Variants in SNTG2 observed in about 807,000 individuals in gnomAD.
SNTG2 encodes the protein gamma-2-syntrophin.
A neutral mutation model predicts 70.9 loss-of-function variants in SNTG2; 74 were observed. The observed-to-expected ratio is 1.04, with a 90% CI of 0.86 to 1.27. The LOEUF (loss-of-function observed/expected upper bound fraction) is 1.27. Ranked by LOEUF, SNTG2 falls within the 50% of genes most tolerant of loss-of-function variation. The pLI is 0.00. For missense variants in SNTG2, 717 were observed against 690.7 expected (o/e 1.04, Z -0.43); for synonymous variants, 278 against 273.8 (o/e 1.02, Z -0.15).
intron 9 of SNTG2, among the ~76,000 whole-genome samples, chr2:1,234,723 C>T (rs1019806201): frequency 2.6e-5 from 4 of 152,200 alleles, no homozygotes; most frequent in African/African-American, 4.8e-5. Context: ...GGGGGCAAAG[C>T]TGATGATCTT....
chr2:1,281,892 C>T (rs1237756799), intron 14 of SNTG2, among the ~76,000 whole-genome samples: 4 of 152,116 alleles, frequency 2.6e-5, no homozygotes, highest in Non-Finnish European at 5.9e-5. Flanking sequence ...AGCCACTGCA[C>T]CCCCGTCCGT....
At chr2:1,256,859 C>T (rs923225031) in intron 12 of SNTG2, among the ~76,000 whole-genome samples, 1 of 152,064 alleles carries the variant, frequency 6.6e-6, no homozygotes, top group South Asian at 2.1e-4. Context: ...GGAGACCTGC[C>T]ACGGCTGTCA....
chr2:1,051,403 T>C (rs1240297919), intron 1 of SNTG2, among the ~76,000 whole-genome samples: 1 of 152,196 alleles, frequency 6.6e-6, no homozygotes, highest in Non-Finnish European at 1.5e-5. Flanking sequence ...ATTAAAAGGC[T>C]TTAGGTAACA....
intron 7 of SNTG2, among the ~76,000 whole-genome samples, chr2:1,168,451 C>G (rs1184224347): frequency 6.6e-6 from 1 of 152,228 alleles, no homozygotes; most frequent in East Asian, 1.9e-4. Context: ...CTATGGCACC[C>G]CCGCCAGAGG....
chr2:1,332,552 A>G (rs1659590088), intron 16 of SNTG2, among the ~76,000 whole-genome samples: 1 of 152,236 alleles, frequency 6.6e-6, no homozygotes. Flanking sequence ...TAATTTGCTA[A>G]TTAAATTCAA....
Position 1,291,316 on chromosome 2 carries a change from T to C in SNTG2, c.1285-17178T>C, listed in dbSNP as rs185601205. Among the ~76,000 whole-genome samples the C allele has an allele frequency of 2.0e-5, 3 of 152,342 alleles. No homozygotes were observed. In the East Asian group the frequency reaches 5.8e-4, roughly 29 times the overall value. On this transcript the variant is annotated intron_variant, in intron 14 of 16. Coordinates refer to ENST00000308624, the MANE Select transcript of SNTG2 (RefSeq NM_018968.4). ...ATTCTCTGGGTTGGATTTCCACTCT[T>C]TGGTGGTGTCCTCTGATACACAAAA...
chr2:996,868 T>C (rs1661704838), intron 1 of SNTG2, among the ~76,000 whole-genome samples: 1 of 151,994 alleles, frequency 6.6e-6, no homozygotes, highest in African/African-American at 2.4e-5. Context: ...ATTGTTCATT[T>C]TATTTAATAT....
At chr2:1,324,646 A>T (rs1475504231) in intron 16 of SNTG2, among the ~76,000 whole-genome samples, 1 of 152,250 alleles carries the variant, frequency 6.6e-6, no homozygotes, top group Non-Finnish European at 1.5e-5. Context: ...CAGTTGGAAC[A>T]TAAATTTTCT....
chr2:1,281,427 T>TGGG, intron 14 of SNTG2, among the ~76,000 whole-genome samples: 1 of 133,938 alleles, frequency 7.5e-6, no homozygotes. Context: ...GTGTGTGTGG[T>TGGG]GTGGTGTGTG....
chr2:1,083,767 T>C lies in SNTG2; in HGVS notation c.210+112T>C, dbSNP rs1029825440. 2.5e-6 allele frequency: 3 copies of C among 1,199,522 alleles called. No individual in the cohort carries two copies. In the African/African-American group the frequency reaches 4.5e-5, roughly 18 times the overall value. 74.3% of individuals were successfully genotyped at this position (1,199,522 alleles called of 1,614,324 possible). A position where few individuals can be genotyped will look rare whatever the true frequency, so the allele number is the denominator to read the frequency against. ...GCTGAGCAAAAGCTGCTACTCGTTA[T>C]TTAAATATCCCCAACTACTGGCTTT... On this transcript the variant is annotated intron_variant, in intron 2 of 16. Transcript: ENST00000308624.
intron 1 of SNTG2, among the ~76,000 whole-genome samples, chr2:1,070,498 A>G (rs1460380632): frequency 6.6e-6 from 1 of 152,156 alleles, no homozygotes; most frequent in East Asian, 1.9e-4. Context: ...CATGCTACTC[A>G]TATTATTTTT....
At chr2:1,138,569 G>A (rs892107906) in intron 6 of SNTG2, among the ~76,000 whole-genome samples, 10 of 152,090 alleles carry the variant, frequency 6.6e-5, no homozygotes, top group Non-Finnish European at 1.2e-4. Flanking sequence ...AGGGCGAAGC[G>A]GGTGAGATGA....
At chr2:1,290,683 T>C (rs1679955833) in intron 14 of SNTG2, among the ~76,000 whole-genome samples, 1 of 152,240 alleles carries the variant, frequency 6.6e-6, no homozygotes, top group Non-Finnish European at 1.5e-5. Context: ...ACTAGGAGGA[T>C]GGTGCTAAAT....
At chr2:1,109,230 G>A (rs1209192789) in intron 4 of SNTG2, among the ~76,000 whole-genome samples, 1 of 152,022 alleles carries the variant, frequency 6.6e-6, no homozygotes, top group Non-Finnish European at 1.5e-5. Context: ...TGCTCTCGGT[G>A]ATCACCCAGT....
chr2:1,326,369 T>C (rs983184169), intron 16 of SNTG2, among the ~76,000 whole-genome samples: 1 of 152,302 alleles, frequency 6.6e-6, no homozygotes, highest in Admixed American at 6.5e-5. Flanking sequence ...CAATTTTAGA[T>C]TTTGAAATTT....
In SNTG2 at chr2:1,052,710, C is replaced by G. The variant is rs541579933; in HGVS notation, c.73-30808C>G. 1.1e-4 allele frequency among the ~76,000 whole-genome samples: 17 copies of G among 152,288 alleles called. No homozygotes were observed. The South Asian group carries it at 3.3e-3, about 30-fold the overall frequency. On this transcript the variant is annotated intron_variant, in intron 1 of 16. Transcript: ENST00000308624. Reference sequence around the variant, plus strand: ...CGTCCTTTATAGACAATTCTGCCATCCTTTCGTGGAAGCAGGTGAAGGGCC... The same window carrying G: ...CGTCCTTTATAGACAATTCTGCCATGCTTTCGTGGAAGCAGGTGAAGGGCC...
chr2:1,054,864 C>T, intron 1 of SNTG2, among the ~76,000 whole-genome samples: 1 of 152,060 alleles, frequency 6.6e-6, no homozygotes, highest in Non-Finnish European at 1.5e-5. Flanking sequence ...TACTATTAAG[C>T]ATTTGAAATA....
At chr2:1,020,287 G>A (rs1024861708) in intron 1 of SNTG2, among the ~76,000 whole-genome samples, 15 of 152,218 alleles carry the variant, frequency 9.9e-5, no homozygotes, top group Non-Finnish European at 2.2e-4. Flanking sequence ...CACTTCCTAA[G>A]GGCCCAGGCA....
rs1322183585 is a variant in SNTG2 at position 1,009,385 on chromosome 2, G to A, written c.72+58317G>A. ...ATGCTGGTTCTGATACTGGTGGGTCGTGTGTATGGCAGCCACACCTGTGTC... is the reference window on the plus strand; with the variant it reads ...ATGCTGGTTCTGATACTGGTGGGTCATGTGTATGGCAGCCACACCTGTGTC... On this transcript the variant is annotated intron_variant, in intron 1 of 16. Coordinates refer to ENST00000308624, the MANE Select transcript of SNTG2 (RefSeq NM_018968.4). Among the ~76,000 whole-genome samples, 2 of 42,294 alleles carry A rather than the reference G, an allele frequency of 4.7e-5. 1 individual carries two copies. Among genetic ancestry groups the A allele is most frequent in the South Asian group, 3.1e-3 (2 of 652 alleles). The allele number at this position is 42,294 out of a possible 152,430, so 27.7% of individuals were successfully genotyped here. A position where few individuals can be genotyped will look rare whatever the true frequency, so the allele number is the denominator to read the frequency against.
Sources: gnomAD v4.1 joint callset for allele counts (sites outside exome capture counted in the v4.1 genomes callset) on GRCh38, gnomAD v4.1.1 for gene constraint, MANE v1.5 for transcripts, NCBI Gene and HGNC (gene_info 2026-07-23, HGNC 2026-07-21) for gene names.